CD109: variants seen among roughly 807,000 people sequenced by gnomAD.
The protein encoded by CD109 is CD109 molecule.
Under a neutral mutation model 165.8 loss-of-function variants are expected in CD109, and 149 were observed. The observed-to-expected ratio is 0.90, with a 90% CI of 0.79 to 1.03. The LOEUF (loss-of-function observed/expected upper bound fraction) is 1.03. CD109 is among the 50% of genes least tolerant of loss of function. The probability of loss-of-function intolerance (pLI) is 0.00; values close to 1 mark genes in which losing one functional copy is unlikely to be tolerated. For synonymous variants in CD109, 585 were observed against 592.1 expected, an observed-to-expected ratio of 0.99 and a Z score of 0.18; for missense variants, 1,712 against 1,677.8, an observed-to-expected ratio of 1.02 and a Z score of -0.36.
intron 22 of CD109, among the ~76,000 whole-genome samples, chr6:73,791,136 CATATATATATATATAT>C (rs61429872): frequency 5.1e-4 from 29 of 56,332 alleles, no homozygotes; most frequent in East Asian, 2.7e-3. Context: ...TACATACATA[CATATATATATATATAT>C]ATATATATAT....
At chr6:73,790,240 G>A (rs139145343) in intron 22 of CD109, among the ~76,000 whole-genome samples, 9 of 151,068 alleles carry the variant, frequency 6.0e-5, no homozygotes, top group Non-Finnish European at 1.3e-4. Flanking sequence ...GACTACAGGT[G>A]TGTGCCACCA....
At chr6:73,726,990 T>A (rs1266823382) in intron 3 of CD109, among the ~76,000 whole-genome samples, 2 of 152,062 alleles carry the variant, frequency 1.3e-5, no homozygotes, top group African/African-American at 4.8e-5. Context: ...CAGCTTTTTT[T>A]CCCCCTTTCC....
chr6:73,762,194 C>T (rs1773662565), intron 7 of CD109, among the ~76,000 whole-genome samples, 190 bp from the exon 8 acceptor site: 1 of 152,110 alleles, frequency 6.6e-6, no homozygotes. Flanking sequence ...CACTCCTGAC[C>T]TCGTGATCCA....
chr6:73,791,156 T>C (rs77917200), intron 22 of CD109, among the ~76,000 whole-genome samples: 2,632 of 28,256 alleles, frequency 0.093, 179 homozygotes, highest in African/African-American at 0.15. Context: ...TATATATATA[T>C]ATATATATAT....
intron 24 of CD109, among the ~76,000 whole-genome samples, chr6:73,806,077 G>A (rs1337000024): frequency 6.6e-6 from 1 of 152,086 alleles, no homozygotes; most frequent in African/African-American, 2.4e-5. Context: ...GTTTATTGCG[G>A]CACTATTCAC....
intron 7 of CD109, 26 bp downstream of exon 7, chr6:73,759,054 G>A (rs373245474): frequency 9.1e-5 from 126 of 1,382,696 alleles, no homozygotes; most frequent in Non-Finnish European, 2.3e-5. Flanking sequence ...CTTTTGATAT[G>A]ACTCAAAACC....
intron 17 of CD109, 132 bp downstream of exon 17, chr6:73,781,451 T>C (rs1774495582): frequency 1.4e-6 from 1 of 736,180 alleles, no homozygotes; most frequent in Non-Finnish European, 2.3e-6. Flanking sequence ...TCTCCCAAAA[T>C]GTTTGGAGTT....
chr6:73,766,050 C>G lies in CD109; in HGVS notation c.1228C>G (p.Gln410Glu). Reference protein sequence around the residue: ...EYWSGSNSGNQKMEAVQKINY... With the variant: ...EYWSGSNSGNEKMEAVQKINY... ...CTGGAGCGGATCTAACAGTGGAAAT[C>G]AGAAAATGGAAGCTGTTCAGAAAAT... Residue 410 changes from glutamine (Q) to glutamate (E), a missense_variant, in exon 11 of 33, where the codon CAG (glutamine) becomes GAG (glutamate). By Grantham distance (29) the Gln-to-Glu change is conservative (BLOSUM62 2). Transcript: ENST00000287097. 1 of 1,613,932 alleles carries G rather than the reference C, an allele frequency of 6.2e-7. No homozygotes were observed. Among genetic ancestry groups the G allele is most frequent in the Non-Finnish European group, 8.5e-7 (1 of 1,179,870 alleles).
At chr6:73,764,872 T>TTGAA (rs889560017) in intron 10 of CD109, among the ~76,000 whole-genome samples, 6 of 151,866 alleles carry the variant, frequency 4.0e-5, no homozygotes, top group African/African-American at 1.5e-4. Context: ...GGGTCACTTG[T>TTGAA]TGAATGGGTC....
At chr6:73,821,872 A>G (rs916870625) in intron 32 of CD109, among the ~76,000 whole-genome samples, 1 of 152,210 alleles carries the variant, frequency 6.6e-6, no homozygotes, top group African/African-American at 2.4e-5. Context: ...TGAACAGTAA[A>G]TAAATAAGTA....
chr6:73,757,554 C>T (rs181980046), intron 6 of CD109, among the ~76,000 whole-genome samples: 1 of 152,102 alleles, frequency 6.6e-6, no homozygotes, highest in Non-Finnish European at 1.5e-5. Flanking sequence ...TCATAGTTTG[C>T]TGAACTCTGA....
intron 23 of CD109, among the ~76,000 whole-genome samples, chr6:73,798,110 G>GTTTTT (rs57382539): frequency 1.4e-5 from 2 of 142,516 alleles, no homozygotes; most frequent in African/African-American, 5.2e-5. Flanking sequence ...TCAGTGTCCT[G>GTTTTT]TTTTTTTTTT....
At chr6:73,766,918 A>G (rs748151805) in intron 12 of CD109, 30 bp from the exon 13 acceptor site, 3 of 1,603,432 alleles carry the variant, frequency 1.9e-6, no homozygotes, top group Middle Eastern at 1.7e-4. Context: ...TGCTTTTGAT[A>G]TGTACATATT....
At chr6:73,759,074 CTG>C (rs1773515043) in intron 7 of CD109, 46 bp downstream of exon 7, 1 of 1,240,416 alleles carries the variant, frequency 8.1e-7, no homozygotes, top group African/African-American at 1.5e-5. Context: ...CATTATAAAA[CTG>C]TGTGACCAAA....
intron 29 of CD109, among the ~76,000 whole-genome samples, chr6:73,813,355 C>G (rs1436516550): frequency 1.3e-5 from 2 of 152,058 alleles, no homozygotes; most frequent in Non-Finnish European, 2.9e-5. Flanking sequence ...CTTAAATCAC[C>G]AAGTTGGTTG....
intron 11 of CD109, 79 bp downstream of exon 11, chr6:73,766,233 CAG>C (rs1393204716): frequency 4.5e-6 from 5 of 1,114,436 alleles, no homozygotes; most frequent in Non-Finnish European, 6.7e-6. Flanking sequence ...CTCAACCTGT[CAG>C]AACTGAAAGT....
At chr6:73,696,032 G>C (rs1055626627), upstream of CD109, 1 of 588,830 alleles carries the variant, frequency 1.7e-6, no homozygotes, top group African/African-American at 2.0e-5. Flanking sequence ...GGGGATGGGA[G>C]GGGTGGAGCC....
chr6:73,762,288 G>T (rs185352568), intron 7 of CD109, 96 bp from the exon 8 acceptor site: 1 of 810,172 alleles, frequency 1.2e-6, no homozygotes, highest in South Asian at 1.7e-5. Context: ...ATGTTAGATT[G>T]CTAATTGCTA....
chr6:73,780,450 C>A lies in CD109; in HGVS notation c.1854C>A (p.Asn618Lys). ...ENVVHELELY[N>K]TGYYLGMFMN... Reference sequence around the variant, plus strand: ...TGGTCCATGAGTTGGAACTTTATAACACAGGATATTATTTAGGCATGTTCA... The same window carrying A: ...TGGTCCATGAGTTGGAACTTTATAAAACAGGATATTATTTAGGCATGTTCA... Residue 618 changes from asparagine to lysine, a missense_variant, in exon 16 of 33, where the codon AAC becomes AAA. Transcript: ENST00000287097. 6.2e-7 allele frequency: 1 copy of A among 1,607,868 alleles called. No individual in the cohort carries two copies. Among genetic ancestry groups the A allele is most frequent in the Non-Finnish European group, 8.5e-7 (1 of 1,175,166 alleles).
Sources: allele counts gnomAD v4.1 joint callset (sites outside exome capture counted in the v4.1 genomes callset), GRCh38; gene constraint gnomAD v4.1.1; transcripts MANE v1.5; gene names NCBI Gene and HGNC (gene_info 2026-07-23, HGNC 2026-07-21).